LRMDA: variants seen among roughly 807,000 people sequenced by gnomAD.
LRMDA encodes the protein leucine rich melanocyte differentiation associated, also known as leucine-rich melanocyte differentiation-associated protein.
Under a neutral mutation model 29.8 loss-of-function variants are expected in LRMDA, and 18 were observed. That is an observed-to-expected ratio of 0.60 (90% CI 0.42 to 0.90). The LOEUF (loss-of-function observed/expected upper bound fraction) is 0.90. LRMDA is among the 40% of genes least tolerant of loss of function. The pLI is 0.00. For missense variants in LRMDA, 273 were observed against 273.9 expected, an observed-to-expected ratio of 1.00 and a Z score of 0.02; for synonymous variants, 125 against 109.4, an observed-to-expected ratio of 1.14 and a Z score of -0.89.
intron 6 of LRMDA, among the ~76,000 whole-genome samples, chr10:76,463,481 G>T (rs1842532984): frequency 6.6e-6 from 1 of 152,212 alleles, no homozygotes; most frequent in Non-Finnish European, 1.5e-5. Context: ...GTAGCAGCAG[G>T]TGGATTGGCA....
At chr10:75,755,382 T>A (rs1438140637) in intron 2 of LRMDA, among the ~76,000 whole-genome samples, 1 of 152,232 alleles carries the variant, frequency 6.6e-6, no homozygotes, top group Non-Finnish European at 1.5e-5. Flanking sequence ...TGAATGAATG[T>A]CTACCTAGAT....
intron 5 of LRMDA, among the ~76,000 whole-genome samples, chr10:76,308,278 T>C (rs990102668): frequency 1.3e-5 from 2 of 152,158 alleles, no homozygotes; most frequent in Non-Finnish European, 2.9e-5. Flanking sequence ...ATGATCTACC[T>C]GTAGATATGT....
rs1843604559 is a variant in LRMDA at position 76,560,106 on chromosome 10, G to A, written c.*2818G>A. On this transcript the variant is annotated 3_prime_UTR_variant, in exon 7 of 7. Coordinates refer to ENST00000611255, the MANE Select transcript of LRMDA (RefSeq NM_001305581.2). ...AGATTATCACTTGATCAGGCTGCAT[G>A]TCTGAGTGTTGTGTGTTTTCACATA... 6.6e-6 allele frequency: 1 copy of A among 152,104 alleles called. No homozygotes were observed. The highest frequency in any genetic ancestry group is 2.1e-4 in the South Asian group (1 of 4,830). 9.4% of individuals were successfully genotyped at this position (152,104 alleles called of 1,614,324 possible).
chr10:75,691,535 G>A (rs960429953), intron 2 of LRMDA, among the ~76,000 whole-genome samples: 32 of 152,080 alleles, frequency 2.1e-4, no homozygotes, highest in Admixed American at 2.6e-4. Flanking sequence ...AGCACAAAAG[G>A]CATGTGGTTC....
At chr10:75,504,577 T>C (rs184238847) in intron 2 of LRMDA, among the ~76,000 whole-genome samples, 56 of 152,184 alleles carry the variant, frequency 3.7e-4, no homozygotes, top group African/African-American at 9.9e-4. Context: ...TCTGTAGTAA[T>C]AGGGGGGAGT....
chr10:76,535,039 T>C (rs759884822), intron 6 of LRMDA, among the ~76,000 whole-genome samples: 44 of 152,252 alleles, frequency 2.9e-4, no homozygotes, highest in Admixed American at 6.5e-4. Context: ...GACTTTGCTA[T>C]GTGCCAGGCA....
At chr10:75,670,155 C>T (rs1049107767) in intron 2 of LRMDA, among the ~76,000 whole-genome samples, 3 of 152,186 alleles carry the variant, frequency 2.0e-5, no homozygotes, top group Admixed American at 6.5e-5. Context: ...CCTACTTTGT[C>T]ACTGGCTACT....
At chr10:75,907,655 G>A (rs1049906291) in intron 2 of LRMDA, among the ~76,000 whole-genome samples, 2 of 152,148 alleles carry the variant, frequency 1.3e-5, no homozygotes, top group Non-Finnish European at 2.9e-5. Flanking sequence ...TGGAGCTGTC[G>A]TTAATATCCA....
chr10:75,516,886 A>C (rs1261476979), intron 2 of LRMDA, among the ~76,000 whole-genome samples: 1 of 152,106 alleles, frequency 6.6e-6, no homozygotes. Flanking sequence ...ATAAGGTGTA[A>C]GGAAGGGATT....
rs1159719369 is a variant in LRMDA at position 76,225,720 on chromosome 10, A to ATTTATTTATTTAT, written c.517-98679_517-98678insTATTTATTTATTT. ...ATTTTATTTATTTATTTATTTATTTATTATTATATATATATTTTTATTATA... is the reference window on the plus strand; with the variant it reads ...ATTTTATTTATTTATTTATTTATTTATTTATTTATTTATTTATTATATATATATTTTTATTATA... On this transcript the variant is annotated intron_variant, in intron 5 of 6. Coordinates refer to ENST00000611255, the MANE Select transcript of LRMDA (RefSeq NM_001305581.2). Among the ~76,000 whole-genome samples the ATTTATTTATTTAT allele has an allele frequency of 2.1e-3, 298 of 143,178 alleles. 2 individuals carry two copies. The highest frequency in any genetic ancestry group is 7.5e-3 in the African/African-American group (283 of 37,500). 93.9% of individuals were successfully genotyped at this position (143,178 alleles called of 152,430 possible).
intron 2 of LRMDA, among the ~76,000 whole-genome samples, chr10:75,893,688 C>T (rs562893999): frequency 1.8e-3 from 271 of 152,272 alleles, no homozygotes; most frequent in African/African-American, 6.2e-3. Context: ...GTAATCCCAG[C>T]ACTTTGGGAG....
At chr10:75,637,721 A>G (rs78701740) in intron 2 of LRMDA, among the ~76,000 whole-genome samples, 6,066 of 152,262 alleles carry the variant, frequency 0.04, 390 homozygotes, top group African/African-American at 0.14. Context: ...TGATCACGGG[A>G]GTGTCTGTCA....
chr10:76,249,752 G>A (rs1255073177), intron 5 of LRMDA, among the ~76,000 whole-genome samples: 1 of 152,124 alleles, frequency 6.6e-6, no homozygotes, highest in Non-Finnish European at 1.5e-5. Context: ...GAATGGTTCT[G>A]TTTAATTTAT....
In LRMDA at chr10:76,336,170, T is replaced by C. The variant is rs549282087; in HGVS notation, c.601+11685T>C. Reference sequence around the variant, plus strand: ...ATGCTCATCTCTCTTTGAGGTAGCCTGAAGGAAGTGAAATGAAACTTAAAC... The same window carrying C: ...ATGCTCATCTCTCTTTGAGGTAGCCCGAAGGAAGTGAAATGAAACTTAAAC... On this transcript the variant is annotated intron_variant, in intron 6 of 6. Transcript: ENST00000611255. Among the ~76,000 whole-genome samples, 9 of 118,870 alleles carry C rather than the reference T, an allele frequency of 7.6e-5. No homozygotes were observed. The East Asian group carries it at 2.2e-3, about 29-fold the overall frequency. The allele number at this position is 118,870 out of a possible 152,430, so 78.0% of individuals were successfully genotyped here.
intron 4 of LRMDA, among the ~76,000 whole-genome samples, chr10:76,055,432 C>T (rs1441432113): frequency 2.0e-5 from 3 of 152,216 alleles, no homozygotes; most frequent in Non-Finnish European, 4.4e-5. Flanking sequence ...CATATGCAGG[C>T]CACTTGGTGA....
chr10:75,671,159 A>G (rs934182922), intron 2 of LRMDA, among the ~76,000 whole-genome samples: 8 of 152,182 alleles, frequency 5.3e-5, no homozygotes, highest in Non-Finnish European at 8.8e-5. Flanking sequence ...GCCTTTCAGC[A>G]TTTCAAGAGT....
intron 2 of LRMDA, among the ~76,000 whole-genome samples, chr10:75,953,235 G>A (rs750863529): frequency 6.6e-6 from 1 of 151,964 alleles, no homozygotes; most frequent in Non-Finnish European, 1.5e-5. Flanking sequence ...ACCATGCCCA[G>A]CTAATCGGTT....
intron 2 of LRMDA, among the ~76,000 whole-genome samples, chr10:75,714,299 C>T (rs554822778): frequency 6.6e-6 from 1 of 152,324 alleles, no homozygotes; most frequent in East Asian, 1.9e-4. Context: ...GATTTGTCCT[C>T]GTGCTCACAC....
chr10:75,837,763 A>G (rs1264068667), intron 2 of LRMDA, among the ~76,000 whole-genome samples: 1 of 151,820 alleles, frequency 6.6e-6, no homozygotes, highest in Non-Finnish European at 1.5e-5. Flanking sequence ...ATTAAAATAA[A>G]AAAAAAAATT....
Sources: allele counts gnomAD v4.1 joint callset (sites outside exome capture counted in the v4.1 genomes callset), GRCh38; gene constraint gnomAD v4.1.1; transcripts MANE v1.5; gene names NCBI Gene and HGNC (gene_info 2026-07-23, HGNC 2026-07-21).